Variants in PPP1R9A observed in about 807,000 individuals in gnomAD.
PPP1R9A encodes the protein neurabin-1.
PPP1R9A carries 59 observed loss-of-function variants against 141.9 expected under a neutral mutation model. That is an observed-to-expected ratio of 0.42 (90% CI 0.34 to 0.52). The LOEUF (loss-of-function observed/expected upper bound fraction) is 0.52, where lower values mean the gene tolerates loss of function less well. PPP1R9A is among the 20% of genes least tolerant of loss of function. The pLI is 0.10. For synonymous variants in PPP1R9A, 500 were observed against 569.7 expected, an observed-to-expected ratio of 0.88 and a Z score of 1.74; for missense variants, 1,444 against 1,611.9, an observed-to-expected ratio of 0.90 and a Z score of 1.78.
At chr7:95,268,428 A>G (rs1485059326) in intron 12 of PPP1R9A, 122 bp from the exon 13 acceptor site, 13 of 1,045,980 alleles carry the variant, frequency 1.2e-5, no homozygotes, top group Admixed American at 4.6e-5. Flanking sequence ...ACAGGCTGTC[A>G]TGGTGGTCAC....
At chr7:95,221,249 T>C (rs1210831249) in intron 7 of PPP1R9A, among the ~76,000 whole-genome samples, 1 of 152,124 alleles carries the variant, frequency 6.6e-6, no homozygotes, top group East Asian at 1.9e-4. Context: ...CTTAATCTTA[T>C]GACAGCTTTC....
chr7:95,265,656 A>G (rs1018645001), intron 12 of PPP1R9A, among the ~76,000 whole-genome samples: 1 of 152,130 alleles, frequency 6.6e-6, no homozygotes, highest in African/African-American at 2.4e-5. Context: ...TCTGGTGTAA[A>G]TGCTATTAAG....
At chr7:95,186,140 A>T (rs1834616691) in intron 5 of PPP1R9A, among the ~76,000 whole-genome samples, 1 of 152,054 alleles carries the variant, frequency 6.6e-6, no homozygotes. Flanking sequence ...CACAATATTG[A>T]TTCTACCAAT....
chr7:94,994,034 G>A (rs938768466), intron 2 of PPP1R9A, among the ~76,000 whole-genome samples: 8 of 152,122 alleles, frequency 5.3e-5, no homozygotes, highest in Non-Finnish European at 1.0e-4. Flanking sequence ...TGACAAGAGA[G>A]AAGCCTAACA....
chr7:95,092,225 C>T (rs1817451640), intron 2 of PPP1R9A, among the ~76,000 whole-genome samples: 1 of 152,076 alleles, frequency 6.6e-6, no homozygotes, highest in African/African-American at 2.4e-5. Flanking sequence ...CTTATGATGA[C>T]AGCTGATGGA....
At chr7:95,281,825 C>T (rs1804286893) in intron 16 of PPP1R9A, among the ~76,000 whole-genome samples, 1 of 152,154 alleles carries the variant, frequency 6.6e-6, no homozygotes, top group Non-Finnish European at 1.5e-5. Flanking sequence ...AAAACAATAT[C>T]CATATATTTA....
chr7:95,097,499 G>C (rs1157841651), intron 2 of PPP1R9A, among the ~76,000 whole-genome samples: 3 of 152,060 alleles, frequency 2.0e-5, no homozygotes, highest in Admixed American at 2.0e-4. Flanking sequence ...TTCCTGCTTT[G>C]ACTTTTTCAC....
intron 7 of PPP1R9A, among the ~76,000 whole-genome samples, chr7:95,207,111 A>G (rs779446286): frequency 2.0e-5 from 3 of 152,216 alleles, no homozygotes; most frequent in Non-Finnish European, 2.9e-5. Flanking sequence ...ACTCAAAGAA[A>G]AAAAGTTAAA....
intron 4 of PPP1R9A, chr7:95,156,782 C>G: frequency 6.6e-6 from 1 of 152,206 alleles, no homozygotes; most frequent in East Asian, 1.9e-4. Flanking sequence ...GTCTCGATGT[C>G]TCTGCAGGTT....
At chr7:94,988,964 C>T (rs185245223) in intron 2 of PPP1R9A, among the ~76,000 whole-genome samples, 1 of 152,010 alleles carries the variant, frequency 6.6e-6, no homozygotes, top group Admixed American at 6.6e-5. Context: ...AACCCTTTGA[C>T]TTTACAACAG....
At chr7:94,953,577 CT>C (rs1260200345) in intron 2 of PPP1R9A, among the ~76,000 whole-genome samples, 3 of 152,104 alleles carry the variant, frequency 2.0e-5, no homozygotes, top group Non-Finnish European at 4.4e-5. Context: ...GATATTGATT[CT>C]TCCTGTCCAC....
chr7:94,935,815 A>T (rs1464588527), intron 2 of PPP1R9A, among the ~76,000 whole-genome samples: 1 of 152,114 alleles, frequency 6.6e-6, no homozygotes, highest in Non-Finnish European at 1.5e-5. Context: ...TAAGTGGACC[A>T]TTTTTGCCAT....
chr7:95,204,593 A>AAC (rs565840287), intron 7 of PPP1R9A, among the ~76,000 whole-genome samples: 8 of 151,348 alleles, frequency 5.3e-5, no homozygotes, highest in Non-Finnish European at 8.9e-5. Flanking sequence ...ACACATGCTT[A>AAC]ACACACACAC....
intron 2 of PPP1R9A, among the ~76,000 whole-genome samples, chr7:95,001,467 A>G (rs558294088): frequency 6.6e-6 from 1 of 152,302 alleles, no homozygotes; most frequent in African/African-American, 2.4e-5. Context: ...CTTTATGGTA[A>G]ATGAGAGCCT....
At chr7:95,211,532 G>A (rs1792125240) in intron 7 of PPP1R9A, among the ~76,000 whole-genome samples, 1 of 152,138 alleles carries the variant, frequency 6.6e-6, no homozygotes. Context: ...CACCAGAATG[G>A]ACATGGCCAC....
chr7:95,108,425 T>C (rs1198285111), intron 2 of PPP1R9A, among the ~76,000 whole-genome samples: 1 of 148,482 alleles, frequency 6.7e-6, no homozygotes, highest in South Asian at 2.2e-4. Context: ...ATTCTCCTGC[T>C]TCAGCCTCCC....
At chr7:95,271,337 T>C (rs1802134473) in intron 14 of PPP1R9A, among the ~76,000 whole-genome samples, 2 of 152,026 alleles carry the variant, frequency 1.3e-5, no homozygotes. Context: ...CCCTATGAGG[T>C]GGTGCCCTCT....
At chr7:95,151,297 A>C (rs1438380287) in intron 4 of PPP1R9A, among the ~76,000 whole-genome samples, 3 of 152,258 alleles carry the variant, frequency 2.0e-5, no homozygotes, top group Admixed American at 6.5e-5. Context: ...TCAGTGCTAA[A>C]AAGAAATGAG....
At chr7:95,005,551 G>A (rs1803476791) in intron 2 of PPP1R9A, among the ~76,000 whole-genome samples, 1 of 152,022 alleles carries the variant, frequency 6.6e-6, no homozygotes, top group African/African-American at 2.4e-5. Context: ...ATGCAAAAAA[G>A]AAAATCCACA....
Sources: gnomAD v4.1 joint callset for allele counts (sites outside exome capture counted in the v4.1 genomes callset) on GRCh38, gnomAD v4.1.1 for gene constraint, MANE v1.5 for transcripts, NCBI Gene and HGNC (gene_info 2026-07-23, HGNC 2026-07-21) for gene names.